Variants in TC2N observed in about 807,000 individuals in gnomAD.
TC2N encodes the protein tandem C2 domains, nuclear.
TC2N carries 51 observed loss-of-function variants against 61.9 expected under a neutral mutation model. The ratio of observed to expected loss-of-function variants is 0.82; its 90% CI spans 0.66 to 1.04. The LOEUF (loss-of-function observed/expected upper bound fraction) is 1.04, where lower values mean the gene tolerates loss of function less well. TC2N is among the 50% of genes least tolerant of loss of function. The pLI is 0.00. For missense variants in TC2N, 556 were observed against 566.7 expected (o/e 0.98, Z 0.19); for synonymous variants, 204 against 192.6 (o/e 1.06, Z -0.49).
intron 1 of TC2N, among the ~76,000 whole-genome samples, chr14:91,844,350 C>T (rs147292326): frequency 4.6e-5 from 7 of 152,238 alleles, no homozygotes; most frequent in South Asian, 2.1e-4. Flanking sequence ...CAATAGGAAA[C>T]GGGGGAGGAA....
At chr14:91,809,538 G>A (rs1886673486) in intron 3 of TC2N, among the ~76,000 whole-genome samples, 1 of 152,176 alleles carries the variant, frequency 6.6e-6, no homozygotes. Context: ...GCAATGAAGA[G>A]TAAAGAAAAG....
intron 5 of TC2N, among the ~76,000 whole-genome samples, chr14:91,799,429 T>C (rs962413906): frequency 2.0e-5 from 3 of 152,020 alleles, no homozygotes; most frequent in African/African-American, 7.2e-5. Context: ...TATCAAAGCA[T>C]AGTCAATCTG....
intron 1 of TC2N, among the ~76,000 whole-genome samples, chr14:91,858,054 T>C (rs1888516818): frequency 6.6e-6 from 1 of 152,006 alleles, no homozygotes; most frequent in Admixed American, 6.6e-5. Flanking sequence ...CAGCCTCAAC[T>C]TCCTGGGCTT....
chr14:91,854,641 C>T (rs1163288091), intron 1 of TC2N, among the ~76,000 whole-genome samples: 1 of 152,110 alleles, frequency 6.6e-6, no homozygotes, highest in Non-Finnish European at 1.5e-5. Context: ...GAGTGTTCCT[C>T]TAGGGAGGGA....
intron 1 of TC2N, among the ~76,000 whole-genome samples, chr14:91,865,538 C>A (rs1319406060): frequency 6.6e-6 from 1 of 151,754 alleles, no homozygotes; most frequent in East Asian, 1.9e-4. Context: ...TTGGCCAATT[C>A]CAAAATAATG....
At chr14:91,846,983 C>G (rs950927868) in intron 1 of TC2N, among the ~76,000 whole-genome samples, 1 of 152,150 alleles carries the variant, frequency 6.6e-6, no homozygotes, top group African/African-American at 2.4e-5. Flanking sequence ...GGAGGCCAGG[C>G]GCGGTGGCTC....
chr14:91,802,148 T>C (rs1886281111), intron 4 of TC2N, 106 bp downstream of exon 4: 1 of 1,023,722 alleles, frequency 9.8e-7, no homozygotes, highest in Admixed American at 3.3e-5. Context: ...TTCTTATTTT[T>C]AAAATGCTTT....
chr14:91,833,483 A>G (rs904216208), intron 1 of TC2N, among the ~76,000 whole-genome samples: 1 of 152,180 alleles, frequency 6.6e-6, no homozygotes, highest in Non-Finnish European at 1.5e-5. Context: ...TTTAAAATGT[A>G]TAATTAAATG....
At chr14:91,803,541 C>T (rs550114598) in intron 3 of TC2N, among the ~76,000 whole-genome samples, 3 of 151,974 alleles carry the variant, frequency 2.0e-5, no homozygotes, top group Non-Finnish European at 4.4e-5. Flanking sequence ...AAACCTCCAC[C>T]TTCTGGGTTC....
chr14:91,863,765 C>T (rs1234152221), intron 1 of TC2N, among the ~76,000 whole-genome samples: 1 of 146,402 alleles, frequency 6.8e-6, no homozygotes, highest in Non-Finnish European at 1.5e-5. Flanking sequence ...GTGAAAGGAT[C>T]ACTTGACGCC....
intron 1 of TC2N, among the ~76,000 whole-genome samples, chr14:91,834,311 A>G (rs1261368350): frequency 6.6e-6 from 1 of 152,208 alleles, no homozygotes; most frequent in Non-Finnish European, 1.5e-5. Context: ...TACCACGAAT[A>G]GTTCTTTTCA....
rs1885019404 is a variant in TC2N, at chr14:91,780,058, GA to G, written c.*3041del. On this transcript the variant is annotated 3_prime_UTR_variant, in exon 12 of 12. Transcript: ENST00000435962. ...GTTTTAGCCAAAACTGCAAACATTT[GA>G]AATTTAATTTTGAATAAAAATTACA... 1.3e-5 allele frequency: 2 copies of G among 152,060 alleles called. No individual in the cohort carries two copies. Among genetic ancestry groups the G allele is most frequent in the Admixed American group, 1.3e-4 (2 of 15,266 alleles). 9.4% of individuals were successfully genotyped at this position (152,060 alleles called of 1,614,324 possible).
chr14:91,786,305 T>G (rs1343370113), intron 10 of TC2N, among the ~76,000 whole-genome samples: 1 of 151,446 alleles, frequency 6.6e-6, no homozygotes, highest in Non-Finnish European at 1.5e-5. Flanking sequence ...GGATTCTCCA[T>G]CTATCTACAC....
intron 1 of TC2N, among the ~76,000 whole-genome samples, chr14:91,853,697 G>T (rs1888423408): frequency 7.0e-6 from 1 of 141,942 alleles, no homozygotes; most frequent in Admixed American, 7.3e-5. Context: ...CACAATCTGT[G>T]ATCAAAAAAG....
chr14:91,819,799 A>G (rs1477288318), intron 1 of TC2N, among the ~76,000 whole-genome samples: 3 of 152,164 alleles, frequency 2.0e-5, no homozygotes, highest in Non-Finnish European at 4.4e-5. Flanking sequence ...GTAAATAATT[A>G]TAGTATATGT....
chr14:91,846,010 G>A (rs761035418), intron 1 of TC2N, among the ~76,000 whole-genome samples: 3 of 152,206 alleles, frequency 2.0e-5, no homozygotes, highest in Non-Finnish European at 4.4e-5. Flanking sequence ...TTGGGCACCC[G>A]TTGATCAGAT....
At chr14:91,841,103 CAAAG>C (rs1888154526) in intron 1 of TC2N, among the ~76,000 whole-genome samples, 1 of 152,112 alleles carries the variant, frequency 6.6e-6, no homozygotes, top group Non-Finnish European at 1.5e-5. Flanking sequence ...AAGGAGGAAA[CAAAG>C]AGAGAATCCA....
At chr14:91,839,297 G>C (rs1386403834) in intron 1 of TC2N, among the ~76,000 whole-genome samples, 5 of 152,044 alleles carry the variant, frequency 3.3e-5, no homozygotes, top group African/African-American at 1.2e-4. Flanking sequence ...TTCTCTTACA[G>C]GTATCAACTA....
At position 91,813,831 on chromosome 14, in the gene TC2N, G is replaced by T; in HGVS notation, c.-56-6C>A. The T allele has an allele frequency of 8.4e-7, 1 of 1,190,950 alleles. No homozygotes were observed. The allele number at this position is 1,190,950 out of a possible 1,614,324, so 73.8% of individuals were successfully genotyped here. A position where few individuals can be genotyped will look rare whatever the true frequency, so the allele number is the denominator to read the frequency against. On this transcript the variant is annotated splice_polypyrimidine_tract_variant and splice_region_variant and intron_variant, in intron 1 of 11. Transcript: ENST00000435962. ...CTTCCAATCTTAATATTAATCTGTT[G>T]GTAGAATAGAAAACAAGTTAACCTG...
Sources: allele counts gnomAD v4.1 joint callset (sites outside exome capture counted in the v4.1 genomes callset), GRCh38; gene constraint gnomAD v4.1.1; transcripts MANE v1.5; gene names NCBI Gene and HGNC (gene_info 2026-07-23, HGNC 2026-07-21).